The following STS variants were observed in gnomAD, a reference collection of about 807,000 sequenced individuals.
The protein encoded by STS is steryl-sulfatase.
Under a neutral mutation model 26.8 loss-of-function variants are expected in STS, and 7 were observed. The observed-to-expected ratio is 0.26, with a 90% CI of 0.15 to 0.49. The LOEUF (loss-of-function observed/expected upper bound fraction) is 0.49, where lower values mean the gene tolerates loss of function less well. Among genes scored for constraint, STS ranks in the 20% least tolerant of loss-of-function variants. STS has a pLI of 0.98. For missense variants in STS, 434 were observed against 465.6 expected, an observed-to-expected ratio of 0.93 and a Z score of 0.63; for synonymous variants, 199 against 189.4, an observed-to-expected ratio of 1.05 and a Z score of -0.42.
chrX:7,237,274 C>T (rs1225718168), intron 2 of STS, among the ~76,000 whole-genome samples: 1 of 108,708 alleles, frequency 9.2e-6, no homozygotes, highest in African/African-American at 3.4e-5. Flanking sequence ...ACACGAAGGC[C>T]TTTTAAATAC....
chrX:7,353,728 C>T lies in STS; in HGVS notation c.*3467C>T. ...GGACTAGGATCGGCTCTCATTCGAT[C>T]GAGCTATTCTCTTAAAATGACAAAA... On this transcript the variant is annotated 3_prime_UTR_variant, in exon 11 of 11. Coordinates refer to ENST00000674429, the MANE Select transcript of STS (RefSeq NM_001320752.2). 9.0e-6 allele frequency: 1 copy of T among 111,404 alleles called. No homozygotes were observed. The highest frequency in any genetic ancestry group is 1.9e-5 in the Non-Finnish European group (1 of 53,107). 9.2% of individuals were successfully genotyped at this position (111,404 alleles called of 1,213,427 possible). A position where few individuals can be genotyped will look rare whatever the true frequency, so the allele number is the denominator to read the frequency against.
chrX:7,233,096 T>C (rs1342597083), intron 2 of STS, among the ~76,000 whole-genome samples: 2 of 95,193 alleles, frequency 2.1e-5, no homozygotes, highest in African/African-American at 3.8e-5. Context: ...TTTTTCTTTT[T>C]TTTTTTTTTT....
At chrX:7,153,652 A>C (rs1295910938) in intron 1 of STS, among the ~76,000 whole-genome samples, 77 of 20,838 alleles carry the variant, frequency 3.7e-3, no homozygotes, top group Admixed American at 4.7e-3. Context: ...TGTCCTCCTC[A>C]ACTCCCTCCC....
chrX:7,329,513 T>G (rs1391857489), intron 9 of STS, among the ~76,000 whole-genome samples: 1 of 112,683 alleles, frequency 8.9e-6, no homozygotes, highest in African/African-American at 3.2e-5. Flanking sequence ...ATAAATGTGA[T>G]ACACAGATGT....
At chrX:7,347,995 G>A (rs770854553) in intron 10 of STS, among the ~76,000 whole-genome samples, 16 of 111,972 alleles carry the variant, frequency 1.4e-4, no homozygotes, top group African/African-American at 4.9e-4. Context: ...GCAGCCTGGC[G>A]TGTCTGTGTG....
intron 1 of STS, among the ~76,000 whole-genome samples, chrX:7,186,291 G>C (rs1024150672): frequency 4.5e-5 from 5 of 112,234 alleles, no homozygotes; most frequent in African/African-American, 1.6e-4. Context: ...TCCATATAAA[G>C]GGGATAGGAA....
chrX:7,250,403 TA>T (rs1468138264), intron 2 of STS, among the ~76,000 whole-genome samples: 3 of 102,433 alleles, frequency 2.9e-5, no homozygotes, highest in Non-Finnish European at 5.9e-5. Context: ...AACCATGCTT[TA>T]AAAAAAAAAA....
chrX:7,284,270 T>C (rs1256347183), intron 7 of STS, among the ~76,000 whole-genome samples: 1 of 111,976 alleles, frequency 8.9e-6, no homozygotes, highest in Non-Finnish European at 1.9e-5. Flanking sequence ...TGCCAACGTT[T>C]CAGGTTTTTA....
chrX:7,231,725 T>C (rs1922068140), intron 2 of STS, among the ~76,000 whole-genome samples: 1 of 110,827 alleles, frequency 9.0e-6, no homozygotes, highest in East Asian at 2.8e-4. Context: ...ACAAGCACCA[T>C]CCTATAAAAT....
intron 10 of STS, 25 bp from the exon 11 acceptor site, chrX:7,349,863 C>A (rs770823342): frequency 8.3e-7 from 1 of 1,211,213 alleles, no homozygotes; most frequent in Non-Finnish European, 1.1e-6. Context: ...ATACCTAATG[C>A]CGTTTCCATC....
rs376515444 is a variant in STS, at chrX:7,351,223, G to T, written c.*962G>T. The T allele has an allele frequency of 4.5e-4, 50 of 112,020 alleles. No individual in the cohort carries two copies. Among genetic ancestry groups the T allele is most frequent in the Non-Finnish European group, 7.7e-4 (41 of 53,228 alleles). 9.2% of individuals were successfully genotyped at this position (112,020 alleles called of 1,213,427 possible). A position where few individuals can be genotyped will look rare whatever the true frequency, so the allele number is the denominator to read the frequency against. Reference sequence around the variant, plus strand: ...AGTGTAATTCAGAATCATTGGCCTAGAAAGTCTCTGATATTTGGAGGGGAA... The same window carrying T: ...AGTGTAATTCAGAATCATTGGCCTATAAAGTCTCTGATATTTGGAGGGGAA... On this transcript the variant is annotated 3_prime_UTR_variant, in exon 11 of 11. Transcript: ENST00000674429.
At position 7,201,019 on chromosome X, in the gene STS, G is replaced by A. The variant is rs139505037; in HGVS notation, c.-5+10011G>A. Among the ~76,000 whole-genome samples the A allele has an allele frequency of 6.3e-3, 698 of 110,990 alleles. 1 individual carries two copies. The highest frequency in any genetic ancestry group is 7.3e-3 in the Non-Finnish European group (387 of 52,946). On this transcript the variant is annotated intron_variant, in intron 2 of 10. Coordinates refer to ENST00000674429, the MANE Select transcript of STS (RefSeq NM_001320752.2). Reference sequence around the variant, plus strand: ...CAGATACGTAGATAAATGATAGATCGATGGATGATAGATAGGCAGGCAGCT... The same window carrying A: ...CAGATACGTAGATAAATGATAGATCAATGGATGATAGATAGGCAGGCAGCT...
Position 7,148,021 on chromosome X carries a change from C to T in STS, c.-196C>T, listed in dbSNP as rs1302943944. On this transcript the variant is annotated 5_prime_UTR_variant, in exon 1 of 11. Coordinates refer to ENST00000674429, the MANE Select transcript of STS (RefSeq NM_001320752.2). ...GTCCCCACGCCCACACAAGACCGCC[C>T]TTACTGGAGGCGGCGGCTGCACACT... The T allele has an allele frequency of 9.0e-6, 10 of 1,106,976 alleles. No homozygotes were observed. The highest frequency in any genetic ancestry group is 1.2e-5 in the Non-Finnish European group (10 of 831,466). 91.2% of individuals were successfully genotyped at this position (1,106,976 alleles called of 1,213,427 possible). A position where few individuals can be genotyped will look rare whatever the true frequency, so the allele number is the denominator to read the frequency against.
At chrX:7,285,042 T>C (rs777041471) in intron 7 of STS, among the ~76,000 whole-genome samples, 1 of 110,713 alleles carries the variant, frequency 9.0e-6, no homozygotes, top group Admixed American at 9.7e-5. Context: ...ATGGTGGTAA[T>C]TATGATGATA....
At chrX:7,206,346 G>C (rs1232794696) in intron 2 of STS, among the ~76,000 whole-genome samples, 1 of 111,874 alleles carries the variant, frequency 8.9e-6, no homozygotes, top group Non-Finnish European at 1.9e-5. Context: ...TCCTCACCTT[G>C]ATCTTCGCAG....
At chrX:7,252,688 G>A (rs1172267440) in intron 2 of STS, among the ~76,000 whole-genome samples, 1 of 112,132 alleles carries the variant, frequency 8.9e-6, no homozygotes, top group Non-Finnish European at 1.9e-5. Flanking sequence ...TCCATCACCT[G>A]TTATTCTTAC....
intron 9 of STS, among the ~76,000 whole-genome samples, chrX:7,331,570 G>C (rs974781110): frequency 9.0e-6 from 1 of 111,644 alleles, no homozygotes; most frequent in Non-Finnish European, 1.9e-5. Context: ...TTTGAAAGTG[G>C]ATTGGCCCAT....
intron 10 of STS, among the ~76,000 whole-genome samples, chrX:7,340,695 A>C (rs1928243622): frequency 8.9e-6 from 1 of 111,895 alleles, no homozygotes; most frequent in South Asian, 3.7e-4. Context: ...CATTAGAGAG[A>C]AGTTTATATC....
chrX:7,213,272 C>T (rs1025541020), intron 2 of STS, among the ~76,000 whole-genome samples: 2 of 111,941 alleles, frequency 1.8e-5, no homozygotes, highest in Non-Finnish European at 3.8e-5. Flanking sequence ...AAGGCAGTGG[C>T]TTAGGGGCCT....
Sources: gnomAD v4.1 joint callset for allele counts (sites outside exome capture counted in the v4.1 genomes callset) on GRCh38, gnomAD v4.1.1 for gene constraint, MANE v1.5 for transcripts, NCBI Gene and HGNC (gene_info 2026-07-23, HGNC 2026-07-21) for gene names.